Variants in WDFY3 observed in about 807,000 individuals in gnomAD.
WDFY3 encodes the protein WD repeat and FYVE domain-containing protein 3.
In WDFY3, 66 loss-of-function variants were observed where a neutral mutation model predicts 409.6. That is an observed-to-expected ratio of 0.16 (90% CI 0.13 to 0.20). The LOEUF (loss-of-function observed/expected upper bound fraction) is 0.20, where lower values mean the gene tolerates loss of function less well. WDFY3 is among the 10% of genes least tolerant of loss of function. WDFY3 has a pLI of 1.00. For synonymous variants in WDFY3, 1,521 were observed against 1,537.1 expected, an observed-to-expected ratio of 0.99 and a Z score of 0.25; for missense variants, 3,031 against 4,298.1, an observed-to-expected ratio of 0.71 and a Z score of 8.24.
chr4:84,684,815 C>G (rs935833226), intron 62 of WDFY3, among the ~76,000 whole-genome samples: 1 of 152,128 alleles, frequency 6.6e-6, no homozygotes, highest in Non-Finnish European at 1.5e-5. Context: ...TTCTTAAATT[C>G]TACCAGGCTG....
At chr4:84,829,428 T>A (rs1230823253) in intron 8 of WDFY3, among the ~76,000 whole-genome samples, 1 of 152,194 alleles carries the variant, frequency 6.6e-6, no homozygotes, top group Admixed American at 6.5e-5. Flanking sequence ...TTGACATGTA[T>A]GTACCTGTCA....
At chr4:84,786,574 T>TA (rs1747590113) in intron 23 of WDFY3, among the ~76,000 whole-genome samples, 1 of 152,184 alleles carries the variant, frequency 6.6e-6, no homozygotes, top group South Asian at 2.1e-4. Context: ...GAGGAGTTAT[T>TA]AATAAAGGCA....
In WDFY3 at chr4:84,833,688, A is replaced by AAAGAAAAGAAAAGAAAAGAG. The variant is rs754643352; in HGVS notation, c.577-2084_577-2083insCTCTTTTCTTTTCTTTTCTT. Among the ~76,000 whole-genome samples the AAAGAAAAGAAAAGAAAAGAG allele has an allele frequency of 7.1e-3, 1,056 of 149,524 alleles. 24 individuals are homozygous for AAAGAAAAGAAAAGAAAAGAG. Among genetic ancestry groups the AAAGAAAAGAAAAGAAAAGAG allele is most frequent in the Admixed American group, 0.045 (670 of 14,852 alleles). Reference sequence around the variant, plus strand: ...AAAGAAAAGAAAAGAAAAGAAAAGAAAAGAGAAGAGAAGAGAAGAGAACAG... The same window carrying AAAGAAAAGAAAAGAAAAGAG: ...AAAGAAAAGAAAAGAAAAGAAAAGAAAAGAAAAGAAAAGAAAAGAGAAGAGAAGAGAAGAGAAGAGAACAG... On this transcript the variant is annotated intron_variant, in intron 7 of 67. Coordinates refer to ENST00000295888, the MANE Select transcript of WDFY3 (RefSeq NM_014991.6).
chr4:84,780,569 C>G (rs190920998), intron 25 of WDFY3, among the ~76,000 whole-genome samples: 2 of 151,830 alleles, frequency 1.3e-5, no homozygotes, highest in Non-Finnish European at 2.9e-5. Flanking sequence ...CTAGTCTGAC[C>G]AACATGGTGA....
At position 84,831,254 on chromosome 4, in the gene WDFY3, C is replaced by T. The variant is rs535990027; in HGVS notation, c.769+159G>A. 6.0e-5 allele frequency among the ~76,000 whole-genome samples: 9 copies of T among 151,234 alleles called. No homozygotes were observed. The South Asian group carries it at 1.9e-3, about 32-fold the overall frequency. On this transcript the variant is annotated intron_variant, in intron 8 of 67. Transcript: ENST00000295888. ...AGGAGAATGTTTTACATTTGAAATGCCCCACAGATGAAAAAAAATATTTTC... is the reference window on the plus strand; with the variant it reads ...AGGAGAATGTTTTACATTTGAAATGTCCCACAGATGAAAAAAAATATTTTC...
chr4:84,795,396 T>C (rs986683704), intron 19 of WDFY3, among the ~76,000 whole-genome samples: 2 of 152,212 alleles, frequency 1.3e-5, no homozygotes, highest in Admixed American at 6.5e-5. Context: ...CCCATGATAA[T>C]ATTCTTAAAA....
In WDFY3 at chr4:84,733,565, C is replaced by T; in HGVS notation, c.7038G>A (p.Gln2346=). ...GCTCCCTCAACAGCTCGCACTCGAT[C>T]TGACACCACTCTTCTGTCACGTACT... is the stretch of plus-strand genomic sequence containing the variant. The part of the protein sequence containing the change: ...ALKYVTEEWC[Q]IECELLRERG... Residue 2346 remains glutamine, a synonymous_variant, in exon 44 of 68, where the codon CAG becomes CAA. Coordinates refer to ENST00000295888, the MANE Select transcript of WDFY3 (RefSeq NM_014991.6). 3.1e-6 allele frequency: 5 copies of T among 1,614,114 alleles called. No homozygotes were observed. Among genetic ancestry groups the T allele is most frequent in the Non-Finnish European group, 4.2e-6 (5 of 1,180,012 alleles).
rs149877378 is a variant in WDFY3, at chr4:84,860,601, T to C, written c.-10A>G. 7.4e-4 allele frequency: 1,179 copies of C among 1,593,400 alleles called. 7 individuals are homozygous for C. The African/African-American group carries it at 0.014, about 19-fold the overall frequency. On this transcript the variant is annotated 5_prime_UTR_variant, in exon 4 of 68. Coordinates refer to ENST00000295888, the MANE Select transcript of WDFY3 (RefSeq NM_014991.6). The stretch of plus-strand genomic sequence containing the variant: ...TCTTCACCATGTTCATCTTGGCTGG[T>C]TGGTGAGACGCACTTCTAATTCTGT...
intron 55 of WDFY3, among the ~76,000 whole-genome samples, 185 bp from the exon 56 acceptor site, chr4:84,702,691 CA>C (rs1731236853): frequency 6.6e-6 from 1 of 152,224 alleles, no homozygotes; most frequent in Non-Finnish European, 1.5e-5. Context: ...GTAATCCTTA[CA>C]GAGGGTTCTC....
chr4:84,677,961 C>CAAAAAAAAAAAAAAAAAAAAAAAAAAA (rs986393073), intron 66 of WDFY3, among the ~76,000 whole-genome samples: 4 of 21,180 alleles, frequency 1.9e-4, no homozygotes, highest in Non-Finnish European at 2.8e-4. Context: ...GACCCTGTCT[C>CAAAAAAAAAAAAAAAAAAAAAAAAAAA]AAAAAAAAAA....
intron 25 of WDFY3, among the ~76,000 whole-genome samples, chr4:84,782,275 A>G (rs1418232085): frequency 6.6e-6 from 1 of 152,234 alleles, no homozygotes; most frequent in East Asian, 1.9e-4. Context: ...CTGAATTTTG[A>G]TACCTGTCAC....
rs778942073 is a variant in WDFY3, at chr4:84,821,378, T to C, written c.1297A>G (p.Lys433Glu). Residue 433 changes from lysine (K) to glutamate (E), a missense_variant, in exon 11 of 68, where the codon AAG (lysine) becomes GAG (glutamate). Coordinates refer to ENST00000295888, the MANE Select transcript of WDFY3 (RefSeq NM_014991.6). ...TGTACTTCTGGGAGTTTAGAAATCT[T>C]CTCTGCAAACTGTGACAATGTGTGC... ...SQHTLSQFAEKISKLPEVQNK... is the reference protein window; with the variant it reads ...SQHTLSQFAEEISKLPEVQNK... 1 of 1,613,902 alleles carries C rather than the reference T, an allele frequency of 6.2e-7. No individual in the cohort carries two copies. The highest frequency in any genetic ancestry group is 1.7e-5 in the Admixed American group (1 of 59,956).
chr4:84,718,562 G>A lies in WDFY3; in HGVS notation c.7614C>T (p.His2538=). ...RLLEEGEKIQ[H]MYRCARVQGL... ...CCTGGACTCGAGCACAGCGGTACAT[G>A]TGTTGGATCTATAAAGAAGCCCACA... Residue 2538 remains histidine, a synonymous_variant, in exon 48 of 68, where the codon CAC becomes CAT. Transcript: ENST00000295888. 4 of 1,606,704 alleles carry A rather than the reference G, an allele frequency of 2.5e-6. No individual in the cohort carries two copies. Among genetic ancestry groups the A allele is most frequent in the East Asian group, 2.2e-5 (1 of 44,848 alleles).
chr4:84,708,342 A>T (rs899191228), intron 53 of WDFY3, among the ~76,000 whole-genome samples: 9 of 152,210 alleles, frequency 5.9e-5, no homozygotes, highest in African/African-American at 1.9e-4. Flanking sequence ...ATCCACCAAT[A>T]GATGCAAATT....
chr4:84,756,916 T>C lies in WDFY3; in HGVS notation c.5424+10A>G, dbSNP rs1024209014. The stretch of plus-strand genomic sequence containing the variant: ...GTAATTTCACGCACCCCTTGCTAGA[T>C]AATTCCTACCTGGCAACCCTGCTTA... On this transcript the variant is annotated intron_variant, in intron 33 of 67. Transcript: ENST00000295888. 1.2e-6 allele frequency: 2 copies of C among 1,612,352 alleles called. No individual in the cohort carries two copies. Among genetic ancestry groups the C allele is most frequent in the Admixed American group, 1.7e-5 (1 of 59,978 alleles).
At chr4:84,679,821 C>CATATATAT (rs370117920) in intron 64 of WDFY3, among the ~76,000 whole-genome samples, 1 of 144,062 alleles carries the variant, frequency 6.9e-6, no homozygotes, top group Non-Finnish European at 1.5e-5. Flanking sequence ...GGATATTCTT[C>CATATATAT]ATATATATAT....
At chr4:84,734,765 A>C (rs1278657852) in intron 43 of WDFY3, among the ~76,000 whole-genome samples, 1 of 152,240 alleles carries the variant, frequency 6.6e-6, no homozygotes, top group African/African-American at 2.4e-5. Context: ...AGGAACAAAG[A>C]CATGTAACAT....
rs536757526 is a variant in WDFY3, at chr4:84,778,760, A to T, written c.4366-105T>A. 4 of 1,073,838 alleles carry T rather than the reference A, an allele frequency of 3.7e-6. No individual in the cohort carries two copies. The South Asian group carries it at 6.3e-5, about 17-fold the overall frequency. 66.5% of individuals were successfully genotyped at this position (1,073,838 alleles called of 1,614,324 possible). A position where few individuals can be genotyped will look rare whatever the true frequency, so the allele number is the denominator to read the frequency against. On this transcript the variant is annotated intron_variant, in intron 26 of 67. Transcript: ENST00000295888. ...ACACAAACACACACATACACACACA[A>T]ACACACACATACACACAGAATCCTA...
At chr4:84,736,114 T>C in intron 42 of WDFY3, 56 bp downstream of exon 42, 5 of 1,509,310 alleles carry the variant, frequency 3.3e-6, no homozygotes, top group Non-Finnish European at 4.4e-6. Context: ...TTGTACATGT[T>C]AAGTATATTA....
Sources: gnomAD v4.1 joint callset for allele counts (sites outside exome capture counted in the v4.1 genomes callset) on GRCh38, gnomAD v4.1.1 for gene constraint, MANE v1.5 for transcripts, NCBI Gene and HGNC (gene_info 2026-07-23, HGNC 2026-07-21) for gene names.